TMEM117: variants seen among roughly 807,000 people sequenced by gnomAD.
TMEM117 encodes the protein transmembrane protein 117.
In TMEM117, 27 loss-of-function variants were observed where a neutral mutation model predicts 52.4. The ratio of observed to expected loss-of-function variants is 0.51; its 90% CI spans 0.38 to 0.71. The LOEUF is 0.71. Among genes scored for constraint, TMEM117 ranks in the 30% least tolerant of loss-of-function variants. The pLI, the probability that TMEM117 is intolerant of heterozygous loss-of-function variation, is 0.00. For synonymous variants in TMEM117, 215 were observed against 206.3 expected (o/e 1.04, Z -0.36); for missense variants, 556 against 630.5 (o/e 0.88, Z 1.26).
intron 5 of TMEM117, among the ~76,000 whole-genome samples, chr12:44,291,858 T>G (rs1018751654): frequency 1.3e-5 from 2 of 152,062 alleles, no homozygotes; most frequent in Admixed American, 6.5e-5. Context: ...GATCATGGTA[T>G]TCTTTTAAAG....
intron 5 of TMEM117, among the ~76,000 whole-genome samples, chr12:44,235,372 CT>C (rs199764314): frequency 0.12 from 16,696 of 142,584 alleles, 1,082 homozygotes; most frequent in East Asian, 0.22. Flanking sequence ...ATCTGAAAAT[CT>C]TTTTTTTTTT....
chr12:43,928,064 T>A (rs1003217264), intron 2 of TMEM117, among the ~76,000 whole-genome samples: 1 of 152,020 alleles, frequency 6.6e-6, no homozygotes, highest in African/African-American at 2.4e-5. Flanking sequence ...TTAGAAATTA[T>A]GTATTAAATA....
chr12:43,884,955 G>C (rs1188672614), intron 2 of TMEM117, among the ~76,000 whole-genome samples: 3 of 152,076 alleles, frequency 2.0e-5, no homozygotes, highest in Non-Finnish European at 4.4e-5. Flanking sequence ...CTCCACTCTT[G>C]CTGACTTGCC....
chr12:44,353,971 A>C (rs557429791), intron 6 of TMEM117, among the ~76,000 whole-genome samples: 473 of 152,110 alleles, frequency 3.1e-3, no homozygotes, highest in Non-Finnish European at 5.5e-3. Context: ...CTTTTATTTC[A>C]TTGAGCAGTG....
At chr12:44,253,964 AAAGTG>A (rs1950226027) in intron 5 of TMEM117, among the ~76,000 whole-genome samples, 1 of 151,726 alleles carries the variant, frequency 6.6e-6, no homozygotes, top group Admixed American at 6.6e-5. Flanking sequence ...TATTTGGAAA[AAAGTG>A]AAGTTTGATC....
intron 2 of TMEM117, among the ~76,000 whole-genome samples, chr12:43,935,783 A>C (rs1285058444): frequency 1.3e-5 from 2 of 152,204 alleles, no homozygotes; most frequent in Non-Finnish European, 2.9e-5. Flanking sequence ...ATAATCCCAG[A>C]TATAAAATAT....
intron 3 of TMEM117, among the ~76,000 whole-genome samples, chr12:44,030,385 C>G (rs960536033): frequency 2.0e-5 from 3 of 152,156 alleles, no homozygotes; most frequent in Non-Finnish European, 4.4e-5. Context: ...GGATTCAGCC[C>G]TTATCTGCAC....
chr12:43,830,867 C>A, the TMEM117 span, among the ~76,000 whole-genome samples: 9 of 152,162 alleles, frequency 5.9e-5, no homozygotes, highest in Admixed American at 5.9e-4. Flanking sequence ...TGCAAAGCAG[C>A]TACTTCTAAA....
chr12:44,234,220 G>A (rs985817569), intron 5 of TMEM117, among the ~76,000 whole-genome samples: 1 of 151,240 alleles, frequency 6.6e-6, no homozygotes, highest in African/African-American at 2.4e-5. Flanking sequence ...AAGGCATTTG[G>A]GACAAGAGCT....
At chr12:44,280,432 T>C (rs997224377) in intron 5 of TMEM117, among the ~76,000 whole-genome samples, 2 of 152,230 alleles carry the variant, frequency 1.3e-5, no homozygotes, top group Non-Finnish European at 2.9e-5. Context: ...TTCAAATTTG[T>C]CTTCCTGCCT....
rs115739004 is a variant in TMEM117 at position 43,861,608 on chromosome 12, G to A, written c.277+16680G>A. On this transcript the variant is annotated intron_variant, in intron 2 of 7. Coordinates refer to ENST00000266534, the MANE Select transcript of TMEM117 (RefSeq NM_032256.3). ...AAGAAGAATATTTTTACTCTTCTTCGGAACACTGTCACAGTGGGTGGAGGA... is the reference window on the plus strand; with the variant it reads ...AAGAAGAATATTTTTACTCTTCTTCAGAACACTGTCACAGTGGGTGGAGGA... 8.5e-3 allele frequency among the ~76,000 whole-genome samples: 1,296 copies of A among 152,248 alleles called. 18 individuals carry two copies. The highest frequency in any genetic ancestry group is 0.028 in the African/African-American group (1,172 of 41,540).
chr12:44,027,263 G>A (rs148762752), intron 3 of TMEM117, among the ~76,000 whole-genome samples: 1,731 of 150,460 alleles, frequency 0.012, 28 homozygotes, highest in African/African-American at 0.04. Context: ...TTGGCTCATT[G>A]CAACCTCCAC....
At chr12:44,176,627 C>G (rs1031574370) in intron 4 of TMEM117, among the ~76,000 whole-genome samples, 2 of 152,070 alleles carry the variant, frequency 1.3e-5, no homozygotes, top group Non-Finnish European at 2.9e-5. Context: ...AACCTAGAGT[C>G]CAAGGGAAAT....
At chr12:44,291,383 T>G (rs913590297) in intron 5 of TMEM117, among the ~76,000 whole-genome samples, 2 of 149,218 alleles carry the variant, frequency 1.3e-5, no homozygotes, top group Admixed American at 1.3e-4. Context: ...AGTTTTTTTT[T>G]TTTTTTTTTT....
chr12:44,317,375 G>A (rs1225158137), intron 6 of TMEM117, among the ~76,000 whole-genome samples: 1 of 149,462 alleles, frequency 6.7e-6, no homozygotes, highest in Non-Finnish European at 1.5e-5. Context: ...GGGTCTTTTG[G>A]CTTTGCTTCA....
chr12:44,108,195 A>G (rs542988971), intron 3 of TMEM117, among the ~76,000 whole-genome samples: 1 of 151,868 alleles, frequency 6.6e-6, no homozygotes, highest in South Asian at 2.1e-4. Flanking sequence ...TACCAAATTT[A>G]TTTATTTATT....
At chr12:44,244,725 T>C (rs964106075) in intron 5 of TMEM117, among the ~76,000 whole-genome samples, 1 of 152,024 alleles carries the variant, frequency 6.6e-6, no homozygotes, top group East Asian at 1.9e-4. Context: ...TTGTCTATTT[T>C]GTCTTTAGGC....
chr12:44,329,447 C>T (rs1313028192), intron 6 of TMEM117, among the ~76,000 whole-genome samples: 1 of 152,046 alleles, frequency 6.6e-6, no homozygotes, highest in Non-Finnish European at 1.5e-5. Context: ...GCTGTAATTC[C>T]CAGCTGTCTG....
At chr12:44,320,615 C>G (rs1339837755) in intron 6 of TMEM117, among the ~76,000 whole-genome samples, 1 of 152,136 alleles carries the variant, frequency 6.6e-6, no homozygotes, top group African/African-American at 2.4e-5. Context: ...TAAAATAGTA[C>G]AGACCTTTGC....
Sources: gnomAD v4.1 joint callset for allele counts (sites outside exome capture counted in the v4.1 genomes callset) on GRCh38, gnomAD v4.1.1 for gene constraint, MANE v1.5 for transcripts, NCBI Gene and HGNC (gene_info 2026-07-23, HGNC 2026-07-21) for gene names.